The following PRKG1 variants were observed in gnomAD, a reference collection of about 807,000 sequenced individuals.
The protein encoded by PRKG1 is protein kinase cGMP-dependent 1.
Under a neutral mutation model 88.1 loss-of-function variants are expected in PRKG1, and 35 were observed. That is an observed-to-expected ratio of 0.40 (90% CI 0.30 to 0.53). The LOEUF (loss-of-function observed/expected upper bound fraction) is 0.53. Among genes scored for constraint, PRKG1 ranks in the 20% least tolerant of loss-of-function variants. PRKG1 has a pLI of 0.59. For missense variants in PRKG1, 540 were observed against 839.8 expected (o/e 0.64, Z 4.41); for synonymous variants, 303 against 292.5 (o/e 1.04, Z -0.37).
chr10:51,608,003 T>C (rs1838810447), intron 3 of PRKG1, among the ~76,000 whole-genome samples: 1 of 152,188 alleles, frequency 6.6e-6, no homozygotes, highest in Non-Finnish European at 1.5e-5. Context: ...TCAGACACTT[T>C]CAAGTATTTT....
chr10:51,698,592 T>C (rs764184347), intron 3 of PRKG1: 8 of 1,613,096 alleles, frequency 5.0e-6, no homozygotes, highest in Non-Finnish European at 6.8e-6. Context: ...CCACCAGGAG[T>C]CACGGGTCCG....
intron 1 of PRKG1, among the ~76,000 whole-genome samples, chr10:51,110,667 G>A (rs563508968): frequency 3.9e-5 from 6 of 151,940 alleles, no homozygotes; most frequent in Middle Eastern, 3.4e-3. Context: ...TATATATTTT[G>A]TATATTATAT....
intron 2 of PRKG1, among the ~76,000 whole-genome samples, chr10:51,412,180 T>TGAGAGAGAGAGAGAGAGAGAGA (rs746950388): frequency 8.0e-6 from 1 of 125,276 alleles, no homozygotes; most frequent in African/African-American, 3.0e-5. Flanking sequence ...GGAGAGAGAG[T>TGAGAGAGAGAGAGAGAGAGAGA]GAGAGAGAGA....
At chr10:52,049,232 G>T (rs563973917) in intron 5 of PRKG1, among the ~76,000 whole-genome samples, 1 of 152,214 alleles carries the variant, frequency 6.6e-6, no homozygotes, top group South Asian at 2.1e-4. Context: ...GCCAGAAAAA[G>T]GCTTTATGAG....
intron 1 of PRKG1, among the ~76,000 whole-genome samples, chr10:51,116,002 G>T (rs1845114911): frequency 6.6e-6 from 1 of 152,110 alleles, no homozygotes; most frequent in Non-Finnish European, 1.5e-5. Flanking sequence ...CTGGGCGAAG[G>T]AGAGAGCTTC....
At chr10:52,062,969 T>A (rs1020132792) in intron 7 of PRKG1, 1 of 587,598 alleles carries the variant, frequency 1.7e-6, no homozygotes, top group South Asian at 2.2e-5. Flanking sequence ...ATCATTAAGA[T>A]AGTTGGTTGA....
chr10:51,539,148 A>T (rs1842237089), intron 3 of PRKG1, among the ~76,000 whole-genome samples: 1 of 152,104 alleles, frequency 6.6e-6, no homozygotes, highest in South Asian at 2.1e-4. Flanking sequence ...ACTTCAAATG[A>T]TTTTGCCTTT....
At chr10:51,707,477 C>T (rs889351275) in intron 3 of PRKG1, among the ~76,000 whole-genome samples, 1 of 152,188 alleles carries the variant, frequency 6.6e-6, no homozygotes, top group African/African-American at 2.4e-5. Context: ...ATTCGTGCTT[C>T]AGGCTGTCAC....
chr10:52,275,784 C>T (rs1253762576), intron 12 of PRKG1, among the ~76,000 whole-genome samples: 1 of 152,048 alleles, frequency 6.6e-6, no homozygotes, highest in African/African-American at 2.4e-5. Context: ...GTCATTTTCA[C>T]AATATTGATT....
At chr10:51,824,993 TA>T (rs1011899111) in intron 4 of PRKG1, among the ~76,000 whole-genome samples, 143 of 152,292 alleles carry the variant, frequency 9.4e-4, no homozygotes, top group African/African-American at 3.4e-3. Context: ...ATAATTTGGA[TA>T]AAAAATAGTT....
chr10:51,066,674 A>AG (rs761872800), intron 1 of PRKG1, among the ~76,000 whole-genome samples: 10 of 152,154 alleles, frequency 6.6e-5, no homozygotes, highest in Non-Finnish European at 1.5e-4. Flanking sequence ...TTTACATGGT[A>AG]TATACAGTAT....
chr10:51,134,598 T>C (rs1275507785), intron 1 of PRKG1, among the ~76,000 whole-genome samples: 1 of 152,154 alleles, frequency 6.6e-6, no homozygotes, highest in African/African-American at 2.4e-5. Context: ...ATAGTGAATG[T>C]CAACCTTTTG....
intron 4 of PRKG1, among the ~76,000 whole-genome samples, chr10:51,850,038 T>C (rs1400965892): frequency 6.6e-6 from 1 of 150,968 alleles, no homozygotes; most frequent in African/African-American, 2.5e-5. Context: ...GAATTTCAAA[T>C]AGATAAGGAT....
At chr10:51,153,127 T>C in intron 1 of PRKG1, 37 bp from the exon 2 acceptor site, 1 of 1,595,102 alleles carries the variant, frequency 6.3e-7, no homozygotes, top group Non-Finnish European at 8.6e-7. Context: ...AAAGAGCTTG[T>C]CAGATGTGCC....
At chr10:51,159,588 AT>A (rs1846310474) in intron 2 of PRKG1, among the ~76,000 whole-genome samples, 1 of 152,184 alleles carries the variant, frequency 6.6e-6, no homozygotes, top group Non-Finnish European at 1.5e-5. Flanking sequence ...AAATGTGAAT[AT>A]TAAAATATGT....
chr10:51,555,350 T>C (rs752310972), intron 3 of PRKG1, among the ~76,000 whole-genome samples: 6 of 151,974 alleles, frequency 3.9e-5, no homozygotes, highest in Non-Finnish European at 8.8e-5. Context: ...CATTATTTAA[T>C]AGAGTGAAAT....
At chr10:51,419,804 AT>A (rs1415273874) in intron 2 of PRKG1, among the ~76,000 whole-genome samples, 373 of 142,058 alleles carry the variant, frequency 2.6e-3, no homozygotes, top group Middle Eastern at 3.6e-3. Flanking sequence ...AGAGCCAATA[AT>A]TTTTTTTTTT....
intron 3 of PRKG1, among the ~76,000 whole-genome samples, chr10:51,504,380 AG>A (rs947392357): frequency 6.6e-5 from 10 of 152,142 alleles, no homozygotes; most frequent in African/African-American, 2.2e-4. Context: ...GTAGCCTTGT[AG>A]TATAGTTTGA....
intron 9 of PRKG1, among the ~76,000 whole-genome samples, chr10:52,243,924 G>A (rs1840933364): frequency 6.6e-6 from 1 of 152,046 alleles, no homozygotes. Context: ...TTCATGACTA[G>A]AGTGCTCAAA....
Sources: allele counts gnomAD v4.1 joint callset (sites outside exome capture counted in the v4.1 genomes callset), GRCh38; gene constraint gnomAD v4.1.1; transcripts MANE v1.5; gene names NCBI Gene and HGNC (gene_info 2026-07-23, HGNC 2026-07-21).